Variants in GRID2 observed in about 807,000 individuals in gnomAD.
The protein encoded by GRID2 is glutamate ionotropic receptor delta type subunit 2.
Under a neutral mutation model 114.8 loss-of-function variants are expected in GRID2, and 33 were observed. The ratio of observed to expected loss-of-function variants is 0.29; its 90% CI spans 0.22 to 0.38. The LOEUF (loss-of-function observed/expected upper bound fraction) is 0.38, where lower values mean the gene tolerates loss of function less well. Among genes scored for constraint, GRID2 ranks in the 10% least tolerant of loss-of-function variants. GRID2 has a pLI of 1.00. For missense variants in GRID2, 1,184 were observed against 1,257.7 expected (o/e 0.94, Z 0.89); for synonymous variants, 505 against 449.9 (o/e 1.12, Z -1.55).
intron 13 of GRID2, among the ~76,000 whole-genome samples, chr4:93,556,956 G>T (rs913021494): frequency 3.3e-5 from 5 of 152,146 alleles, no homozygotes; most frequent in Non-Finnish European, 5.9e-5. Context: ...TTAAAGAAAA[G>T]AATTTCAACC....
chr4:93,513,804 A>G (rs1348994354), intron 12 of GRID2, among the ~76,000 whole-genome samples: 3 of 152,206 alleles, frequency 2.0e-5, no homozygotes, highest in Non-Finnish European at 4.4e-5. Flanking sequence ...TCTGACAAAC[A>G]TGGCCCATAA....
At chr4:92,628,490 C>G (rs1730633837) in intron 2 of GRID2, among the ~76,000 whole-genome samples, 1 of 152,120 alleles carries the variant, frequency 6.6e-6, no homozygotes, top group South Asian at 2.1e-4. Context: ...TCCCGAGTAG[C>G]TGGGACTACA....
At chr4:92,976,587 C>G (rs1398002949) in intron 2 of GRID2, among the ~76,000 whole-genome samples, 1 of 151,918 alleles carries the variant, frequency 6.6e-6, no homozygotes, top group Non-Finnish European at 1.5e-5. Flanking sequence ...CACACTATTC[C>G]CACTTCCCAA....
At chr4:92,890,862 C>A (rs981760206) in intron 2 of GRID2, among the ~76,000 whole-genome samples, 1 of 152,080 alleles carries the variant, frequency 6.6e-6, no homozygotes, top group Non-Finnish European at 1.5e-5. Flanking sequence ...TGGAACCAAC[C>A]AAAATGCCCA....
chr4:93,775,121 T>C (rs1734339664), downstream of GRID2, among the ~76,000 whole-genome samples: 1 of 144,090 alleles, frequency 6.9e-6, no homozygotes, highest in African/African-American at 2.5e-5. Context: ...TATCTGAAAA[T>C]GTATTTTGAA....
intron 2 of GRID2, among the ~76,000 whole-genome samples, chr4:92,814,566 A>C (rs568990305): frequency 1.7e-4 from 26 of 152,244 alleles, no homozygotes; most frequent in Non-Finnish European, 2.9e-4. Context: ...AGTCACCCAT[A>C]GGGAGGATCC....
chr4:92,432,791 C>T (rs1397255117), intron 1 of GRID2, among the ~76,000 whole-genome samples: 1 of 152,106 alleles, frequency 6.6e-6, no homozygotes, highest in Admixed American at 6.6e-5. Flanking sequence ...TTACTCTTCC[C>T]TCTTCTTTCC....
intron 2 of GRID2, among the ~76,000 whole-genome samples, chr4:92,867,158 GGTT>G (rs1744926806): frequency 6.6e-6 from 1 of 151,866 alleles, no homozygotes; most frequent in South Asian, 2.1e-4. Context: ...CATTAAAAAT[GGTT>G]GTTAAATTTT....
At chr4:92,393,863 T>C (rs983860593) in intron 1 of GRID2, among the ~76,000 whole-genome samples, 4 of 152,216 alleles carry the variant, frequency 2.6e-5, no homozygotes, top group African/African-American at 9.6e-5. Context: ...CCCAGTTACA[T>C]ATATTTCTAT....
intron 1 of GRID2, among the ~76,000 whole-genome samples, chr4:92,491,115 G>C (rs779934090): frequency 1.3e-5 from 2 of 151,992 alleles, no homozygotes; most frequent in Non-Finnish European, 2.9e-5. Context: ...CCAGCCACCT[G>C]GCATTTTTCC....
At chr4:92,639,578 T>C (rs1345214830) in intron 2 of GRID2, among the ~76,000 whole-genome samples, 1 of 151,708 alleles carries the variant, frequency 6.6e-6, no homozygotes, top group Non-Finnish European at 1.5e-5. Flanking sequence ...TTTTCTCCTA[T>C]ACAAAGTGGA....
At chr4:92,803,177 GA>G (rs112573300) in intron 2 of GRID2, among the ~76,000 whole-genome samples, 4 of 151,244 alleles carry the variant, frequency 2.6e-5, no homozygotes, top group African/African-American at 7.3e-5. Context: ...TGAAGTAGAA[GA>G]AAAAAAATAA....
chr4:93,206,626 A>ACACG (rs1742824978), intron 4 of GRID2, among the ~76,000 whole-genome samples: 1 of 151,530 alleles, frequency 6.6e-6, no homozygotes, highest in African/African-American at 2.4e-5. Flanking sequence ...ACACACACAC[A>ACACG]CACGCATGCA....
At chr4:92,908,325 C>T (rs937170056) in intron 2 of GRID2, among the ~76,000 whole-genome samples, 4 of 151,990 alleles carry the variant, frequency 2.6e-5, no homozygotes, top group Non-Finnish European at 5.9e-5. Flanking sequence ...TCTACACATC[C>T]ACTGAGTACA....
At chr4:92,641,611 T>C (rs931191032) in intron 2 of GRID2, among the ~76,000 whole-genome samples, 25 of 151,776 alleles carry the variant, frequency 1.6e-4, no homozygotes, top group Non-Finnish European at 5.9e-5. Context: ...ATGTACAACA[T>C]GATGACGTAA....
At chr4:92,618,368 A>G (rs1730108654) in intron 2 of GRID2, among the ~76,000 whole-genome samples, 1 of 151,558 alleles carries the variant, frequency 6.6e-6, no homozygotes, top group South Asian at 2.1e-4. Context: ...ATTGGTCTAT[A>G]TTTCTGTTCT....
intron 2 of GRID2, among the ~76,000 whole-genome samples, chr4:93,075,432 A>G (rs972286996): frequency 1.3e-5 from 2 of 152,306 alleles, no homozygotes; most frequent in East Asian, 1.9e-4. Context: ...GGTGGCTGCT[A>G]TTACTACATC....
At chr4:93,559,057 A>G (rs1734619118) in intron 13 of GRID2, among the ~76,000 whole-genome samples, 1 of 152,184 alleles carries the variant, frequency 6.6e-6, no homozygotes, top group South Asian at 2.1e-4. Context: ...AAAAACTCTC[A>G]ATAAACTAGG....
chr4:93,547,633 A>G (rs938013220), intron 13 of GRID2, among the ~76,000 whole-genome samples: 2 of 152,198 alleles, frequency 1.3e-5, no homozygotes, highest in Admixed American at 1.3e-4. Flanking sequence ...ACAGTTATGC[A>G]TTAAGTACTT....
Sources: gnomAD v4.1 joint callset for allele counts (sites outside exome capture counted in the v4.1 genomes callset) on GRCh38, gnomAD v4.1.1 for gene constraint, MANE v1.5 for transcripts, NCBI Gene and HGNC (gene_info 2026-07-23, HGNC 2026-07-21) for gene names.